The following STXBP5L variants were observed in gnomAD, a reference collection of about 807,000 sequenced individuals.
STXBP5L encodes syntaxin binding protein 5L, also known as syntaxin-binding protein 5-like.
A neutral mutation model predicts 144.5 loss-of-function variants in STXBP5L; 65 were observed. The observed-to-expected ratio is 0.45, with a 90% CI of 0.37 to 0.55. The LOEUF (loss-of-function observed/expected upper bound fraction) is 0.55. STXBP5L is among the 20% of genes least tolerant of loss of function. STXBP5L has a pLI of 0.00. For synonymous variants in STXBP5L, 505 were observed against 469.6 expected (o/e 1.08, Z -0.97); for missense variants, 1,298 against 1,405.5 (o/e 0.92, Z 1.22).
At chr3:120,982,817 T>C (rs960132771) in intron 3 of STXBP5L, among the ~76,000 whole-genome samples, 1 of 152,066 alleles carries the variant, frequency 6.6e-6, no homozygotes, top group Non-Finnish European at 1.5e-5. Context: ...GGCTAGGCAG[T>C]CCCCCAATTT....
chr3:120,978,729 A>G (rs759360996), intron 3 of STXBP5L, among the ~76,000 whole-genome samples: 2 of 151,984 alleles, frequency 1.3e-5, no homozygotes, highest in Non-Finnish European at 2.9e-5. Flanking sequence ...TTTGGTGTGT[A>G]TATCCTTTCT....
intron 5 of STXBP5L, among the ~76,000 whole-genome samples, chr3:121,093,749 G>A (rs1321173519): frequency 6.6e-6 from 1 of 151,996 alleles, no homozygotes; most frequent in Admixed American, 6.6e-5. Context: ...ATTTTTGAAG[G>A]GTTTTTTGTG....
At chr3:120,978,088 G>A (rs888001318) in intron 3 of STXBP5L, among the ~76,000 whole-genome samples, 5 of 152,066 alleles carry the variant, frequency 3.3e-5, no homozygotes, top group Non-Finnish European at 7.4e-5. Flanking sequence ...GTGAATGTTG[G>A]CCTGCCTTGC....
intron 11 of STXBP5L, among the ~76,000 whole-genome samples, chr3:121,224,754 A>G (rs972728290): frequency 4.6e-5 from 7 of 152,190 alleles, no homozygotes; most frequent in Non-Finnish European, 7.3e-5. Flanking sequence ...CTGTCTTACA[A>G]TATTTATGAA....
chr3:121,254,060 A>G (rs1216179320), intron 15 of STXBP5L, among the ~76,000 whole-genome samples: 1 of 152,088 alleles, frequency 6.6e-6, no homozygotes, highest in African/African-American at 2.4e-5. Flanking sequence ...TCTTCATTTC[A>G]TGACACTGAC....
At chr3:121,055,766 G>T (rs947959495) in intron 5 of STXBP5L, among the ~76,000 whole-genome samples, 5 of 151,924 alleles carry the variant, frequency 3.3e-5, no homozygotes, top group Non-Finnish European at 7.4e-5. Context: ...AGTAGCATCA[G>T]CTTGGCTCAC....
chr3:120,964,706 T>A (rs1305210440), intron 3 of STXBP5L, among the ~76,000 whole-genome samples: 1 of 152,210 alleles, frequency 6.6e-6, no homozygotes, highest in Non-Finnish European at 1.5e-5. Context: ...TGGCCAATTT[T>A]GAAACAAGTG....
At chr3:121,009,159 G>A (rs1422650948) in intron 3 of STXBP5L, among the ~76,000 whole-genome samples, 2 of 151,888 alleles carry the variant, frequency 1.3e-5, no homozygotes, top group African/African-American at 2.4e-5. Flanking sequence ...ACAGACAATG[G>A]CTGACTTATC....
At chr3:121,033,469 C>T (rs1248467331) in intron 3 of STXBP5L, among the ~76,000 whole-genome samples, 1 of 137,164 alleles carries the variant, frequency 7.3e-6, no homozygotes. Flanking sequence ...ATACCTAATG[C>T]TAGATGACAC....
chr3:121,231,574 A>G (rs962317622), intron 11 of STXBP5L, among the ~76,000 whole-genome samples: 4 of 152,136 alleles, frequency 2.6e-5, no homozygotes, highest in Non-Finnish European at 5.9e-5. Context: ...GAGTCCTGCT[A>G]CAATTAACAT....
chr3:121,127,098 TTAA>T (rs2044742415), intron 7 of STXBP5L, among the ~76,000 whole-genome samples: 1 of 148,552 alleles, frequency 6.7e-6, no homozygotes, highest in African/African-American at 2.6e-5. Flanking sequence ...CTCAGAACAA[TTAA>T]TTACTGATTT....
rs140703224 is a variant in STXBP5L, at chr3:121,023,847, C to T, written c.288-17853C>T. On this transcript the variant is annotated intron_variant, in intron 3 of 26. Transcript: ENST00000471454. Reference sequence around the variant, plus strand: ...CTTGGCTCACTGCAAGCTCTGCCTCCCGGGTTCACGCCATTCTCCTACCTC... The same window carrying T: ...CTTGGCTCACTGCAAGCTCTGCCTCTCGGGTTCACGCCATTCTCCTACCTC... 7.8e-4 allele frequency among the ~76,000 whole-genome samples: 118 copies of T among 152,236 alleles called. No individual in the cohort carries two copies. In the East Asian group the frequency reaches 0.014, roughly 18 times the overall value.
chr3:121,396,338 C>T (rs954188257), intron 22 of STXBP5L, among the ~76,000 whole-genome samples: 1 of 152,190 alleles, frequency 6.6e-6, no homozygotes, highest in Non-Finnish European at 1.5e-5. Flanking sequence ...GTTTAATATT[C>T]CACATGGAGA....
intron 7 of STXBP5L, among the ~76,000 whole-genome samples, chr3:121,122,684 T>A (rs2044520948): frequency 1.3e-5 from 2 of 151,492 alleles, no homozygotes; most frequent in Non-Finnish European, 3.0e-5. Context: ...GTAAGACCTC[T>A]GCCTCATAGA....
chr3:120,965,116 G>GT (rs1939398153), intron 3 of STXBP5L, among the ~76,000 whole-genome samples: 1 of 151,838 alleles, frequency 6.6e-6, no homozygotes, highest in Admixed American at 6.6e-5. Context: ...TTGCTTGTTT[G>GT]TTTTCCATTT....
intron 5 of STXBP5L, among the ~76,000 whole-genome samples, chr3:121,091,452 C>A (rs2042788618): frequency 6.6e-6 from 1 of 151,976 alleles, no homozygotes; most frequent in Non-Finnish European, 1.5e-5. Flanking sequence ...TGTTCCCTGA[C>A]TTTTTAATGA....
chr3:120,979,385 T>A (rs892319971), intron 3 of STXBP5L, among the ~76,000 whole-genome samples: 2 of 152,200 alleles, frequency 1.3e-5, no homozygotes, highest in African/African-American at 4.8e-5. Flanking sequence ...TGCACCGTTT[T>A]TTAAGCCTGT....
intron 12 of STXBP5L, 147 bp downstream of exon 12, chr3:121,233,835 T>A: frequency 3.3e-6 from 2 of 598,824 alleles, no homozygotes; most frequent in Non-Finnish European, 5.3e-6. Context: ...TGGTGAAAAT[T>A]AAACCAGAGG....
chr3:121,298,752 T>C (rs1039317305), intron 19 of STXBP5L, among the ~76,000 whole-genome samples: 4 of 152,162 alleles, frequency 2.6e-5, no homozygotes, highest in Non-Finnish European at 5.9e-5. Context: ...TGCCAGGATC[T>C]GTGGAGAGGG....
Sources: allele counts gnomAD v4.1 joint callset (sites outside exome capture counted in the v4.1 genomes callset), GRCh38; gene constraint gnomAD v4.1.1; transcripts MANE v1.5; gene names NCBI Gene and HGNC (gene_info 2026-07-23, HGNC 2026-07-21).